CAST: variants seen among roughly 807,000 people sequenced by gnomAD.
CAST encodes calpastatin.
Under a neutral mutation model 119.6 loss-of-function variants are expected in CAST, and 76 were observed. That is an observed-to-expected ratio of 0.64 (90% CI 0.53 to 0.77). The LOEUF is 0.77. Ranked by LOEUF, CAST falls within the 30% of genes least tolerant of loss-of-function variation. The pLI is 0.00. For synonymous variants in CAST, 319 were observed against 331.6 expected (o/e 0.96, Z 0.41); for missense variants, 953 against 946.5 (o/e 1.01, Z -0.09).
the CAST span, among the ~76,000 whole-genome samples, chr5:96,270,527 TA>T: frequency 2.0e-5 from 3 of 152,136 alleles, no homozygotes; most frequent in African/African-American, 7.2e-5. Context: ...TATGCAGCCA[TA>T]AAAAGGAACA....
chr5:96,517,367 G>C, the CAST span, among the ~76,000 whole-genome samples: 3 of 152,096 alleles, frequency 2.0e-5, no homozygotes, highest in African/African-American at 7.2e-5. Flanking sequence ...TGTTATGCAT[G>C]GCTTAGGCTG....
chr5:96,625,708 C>T (rs535768503), intron 1 of CAST, among the ~76,000 whole-genome samples: 4 of 152,328 alleles, frequency 2.6e-5, no homozygotes, highest in Middle Eastern at 3.4e-3. Context: ...CTTTTGGGTG[C>T]ATAATACAGA....
chr5:96,224,484 A>T, the CAST span, among the ~76,000 whole-genome samples: 1 of 152,098 alleles, frequency 6.6e-6, no homozygotes, highest in African/African-American at 2.4e-5. Flanking sequence ...TGTCTTTAAG[A>T]GTGAGGCAGA....
At chr5:96,412,726 C>T in the CAST span, among the ~76,000 whole-genome samples, 1 of 146,142 alleles carries the variant, frequency 6.8e-6, no homozygotes, top group Non-Finnish European at 1.5e-5. Context: ...CTATGCAATA[C>T]CATGCACTGT....
intron 1 of CAST, among the ~76,000 whole-genome samples, chr5:96,561,026 A>G (rs991530678): frequency 1.3e-5 from 2 of 152,214 alleles, no homozygotes; most frequent in Non-Finnish European, 2.9e-5. Flanking sequence ...GCAGCCATAA[A>G]AAAGGATGAG....
At chr5:96,411,137 T>C in the CAST span, 5 of 709,020 alleles carry the variant, frequency 7.1e-6, no homozygotes, top group Admixed American at 2.1e-5. Context: ...GGCTTCGATA[T>C]TGGAAATCTC....
chr5:96,301,346 G>A, the CAST span, among the ~76,000 whole-genome samples: 1 of 152,068 alleles, frequency 6.6e-6, no homozygotes, highest in Non-Finnish European at 1.5e-5. Context: ...AGATTTGGCT[G>A]GGGACACAGA....
At chr5:96,029,544 G>A in the CAST span, among the ~76,000 whole-genome samples, 8 of 151,954 alleles carry the variant, frequency 5.3e-5, no homozygotes, top group Non-Finnish European at 1.0e-4. Flanking sequence ...AAAATATTTC[G>A]AAATGAATTT....
chr5:96,686,324 T>C (rs1198819784), intron 2 of CAST, among the ~76,000 whole-genome samples: 3 of 152,078 alleles, frequency 2.0e-5, no homozygotes, highest in African/African-American at 7.2e-5. Context: ...CTGGTTAAAA[T>C]TATTGAAGAA....
At chr5:96,212,577 A>G in the CAST span, among the ~76,000 whole-genome samples, 2 of 152,156 alleles carry the variant, frequency 1.3e-5, no homozygotes, top group East Asian at 1.9e-4. Flanking sequence ...GGAGTGTTCC[A>G]TAAATGTCAA....
At chr5:96,330,463 A>G in the CAST span, among the ~76,000 whole-genome samples, 2 of 152,158 alleles carry the variant, frequency 1.3e-5, no homozygotes, top group African/African-American at 4.8e-5. Flanking sequence ...GGACAAATGT[A>G]TCAGTTGGGG....
Position 96,534,804 on chromosome 5 carries a change from G to A in CAST, c.60+4924G>A, listed in dbSNP as rs560372554. Among the ~76,000 whole-genome samples, 381 of 91,418 alleles carry A rather than the reference G, an allele frequency of 4.2e-3. 1 individual carries two copies. Among genetic ancestry groups the A allele is most frequent in the Middle Eastern group, 0.013 (2 of 156 alleles). The allele number at this position is 91,418 out of a possible 152,430, so 60.0% of individuals were successfully genotyped here. On this transcript the variant is annotated intron_variant, in intron 1 of 11. Coordinates refer to the CAST transcript ENST00000505143. ...AAGAAAGAAAGAAAGAAAGAAAGAA[G>A]AAAGAAAGAAAGAAAGAAAAGAAAG... is the stretch of plus-strand genomic sequence containing the variant.
chr5:96,354,941 A>G, the CAST span, among the ~76,000 whole-genome samples: 1 of 151,876 alleles, frequency 6.6e-6, no homozygotes, highest in Non-Finnish European at 1.5e-5. Context: ...TCAGACACTA[A>G]AATATATTTT....
intron 1 of CAST, among the ~76,000 whole-genome samples, chr5:96,615,544 C>G (rs1747435537): frequency 6.6e-6 from 1 of 152,182 alleles, no homozygotes; most frequent in Non-Finnish European, 1.5e-5. Flanking sequence ...GTGGGCTGTC[C>G]TTGGCTGAGA....
the CAST span, among the ~76,000 whole-genome samples, chr5:95,988,575 G>A: frequency 2.0e-5 from 3 of 152,068 alleles, no homozygotes; most frequent in Non-Finnish European, 4.4e-5. Context: ...AAACTCCTTA[G>A]TATTATTTTG....
At chr5:96,027,579 T>A in the CAST span, among the ~76,000 whole-genome samples, 1 of 152,054 alleles carries the variant, frequency 6.6e-6, no homozygotes, top group Non-Finnish European at 1.5e-5. Flanking sequence ...AAATTAAAAA[T>A]AACAATGTGG....
At chr5:96,333,924 TC>T in the CAST span, among the ~76,000 whole-genome samples, 2 of 152,150 alleles carry the variant, frequency 1.3e-5, no homozygotes, top group South Asian at 4.1e-4. Context: ...AAGCAGCAGG[TC>T]CCTTCCAACA....
chr5:96,208,940 T>G, the CAST span, among the ~76,000 whole-genome samples: 1 of 152,034 alleles, frequency 6.6e-6, no homozygotes, highest in Admixed American at 6.6e-5. Context: ...CTCCTATTAT[T>G]ATTGTATTGT....
At chr5:96,454,517 C>G in the CAST span, among the ~76,000 whole-genome samples, 2 of 152,284 alleles carry the variant, frequency 1.3e-5, no homozygotes, top group Non-Finnish European at 1.5e-5. Context: ...AAAATAAACA[C>G]TTTTGTGGCT....
Sources: gnomAD v4.1 joint callset for allele counts (sites outside exome capture counted in the v4.1 genomes callset) on GRCh38, gnomAD v4.1.1 for gene constraint, MANE v1.5 for transcripts, NCBI Gene and HGNC (gene_info 2026-07-23, HGNC 2026-07-21) for gene names.